TDRD15: variants seen among roughly 807,000 people sequenced by gnomAD.
TDRD15 encodes tudor domain-containing protein 15.
For missense variants in TDRD15, 1,416 were observed against 904.7 expected (o/e 1.57, Z -7.25); for synonymous variants, 503 against 314.5 (o/e 1.60, Z -6.34).
Position 21,142,280 on chromosome 2 carries a change from G to A in TDRD15, c.4813G>A (p.Val1605Ile). 1.4e-6 allele frequency: 1 copy of A among 691,474 alleles called. No homozygotes were observed. Among genetic ancestry groups the A allele is most frequent in the Non-Finnish European group, 2.6e-6 (1 of 377,780 alleles). 42.8% of individuals were successfully genotyped at this position (691,474 alleles called of 1,614,324 possible). The change falls in exon 4 of 4, where the codon GTA becomes ATA. Residue 1605 changes from valine to isoleucine, a missense_variant. Physicochemically the swap from Val to Ile is conservative, Grantham distance 29. Transcript: ENST00000405799. ...AGAAGAAAAGTATGTTGATGATAAA[G>A]TACTTGTTTTTTTAGTAGATTGTGG... ...KVEEKYVDDKVLVFLVDCGIY... is the reference protein window; with the variant it reads ...KVEEKYVDDKILVFLVDCGIY...
At chr2:21,145,241 A>G (rs930119297), downstream of TDRD15, among the ~76,000 whole-genome samples, 5 of 152,066 alleles carry the variant, frequency 3.3e-5, no homozygotes, top group Non-Finnish European at 5.9e-5. Context: ...AAAGTTGCTA[A>G]GTAAGGAACT....
Position 21,142,170 on chromosome 2 carries a change from C to T in TDRD15, c.4703C>T (p.Pro1568Leu), listed in dbSNP as rs1333326553. 1 of 671,852 alleles carries T rather than the reference C, an allele frequency of 1.5e-6. No homozygotes were observed. The highest frequency in any genetic ancestry group is 2.7e-6 in the Non-Finnish European group (1 of 372,354). 41.6% of individuals were successfully genotyped at this position (671,852 alleles called of 1,614,324 possible). Residue 1568 changes from proline (P) to leucine (L), a missense_variant, in exon 4 of 4, where the codon CCT (proline) becomes CTT (leucine). Transcript: ENST00000405799. ...ATTACGAAAGAAGAAAAAAAATCCCCTTTTTTATCAATGGAAAGTATTGAA... is the reference window on the plus strand; with the variant it reads ...ATTACGAAAGAAGAAAAAAAATCCCTTTTTTTATCAATGGAAAGTATTGAA... ...VLITKEEKKS[P>L]FLSMESIEKG...
intron 2 of TDRD15, among the ~76,000 whole-genome samples, chr2:21,128,817 T>A (rs957691311): frequency 4.6e-5 from 7 of 151,786 alleles, no homozygotes; most frequent in African/African-American, 1.5e-4. Context: ...TTTTCTTCAC[T>A]GTCAGAGAAG....
rs1339972802 is a variant in TDRD15 at position 21,142,728 on chromosome 2, A to T, written c.5261A>T (p.Asp1754Val). The T allele has an allele frequency of 1.4e-6, 1 of 712,956 alleles. No homozygotes were observed. The highest frequency in any genetic ancestry group is 2.6e-6 in the Non-Finnish European group (1 of 383,116). The allele number at this position is 712,956 out of a possible 1,614,324, so 44.2% of individuals were successfully genotyped here. A position where few individuals can be genotyped will look rare whatever the true frequency, so the allele number is the denominator to read the frequency against. ...DPSDFSIQLE[D>V]FFDIMKYLFM... ...TCAGACTTCAGTATTCAGTTAGAAGATTTCTTTGACATAATGAAATACCTT... is the reference window on the plus strand; with the variant it reads ...TCAGACTTCAGTATTCAGTTAGAAGTTTTCTTTGACATAATGAAATACCTT... Residue 1754 changes from aspartate to valine, a missense_variant, in exon 4 of 4, where the codon GAT becomes GTT. Physicochemically the swap from Asp to Val is radical, Grantham distance 152 (BLOSUM62 -3). Transcript: ENST00000405799.
downstream of TDRD15, among the ~76,000 whole-genome samples, chr2:21,145,428 GT>G (rs1030869409): frequency 3.9e-4 from 59 of 151,382 alleles, no homozygotes; most frequent in Non-Finnish European, 7.4e-4. Context: ...CTTCTTTTAT[GT>G]TTTTTTTGGC....
chr2:21,144,843 C>T (rs1202486662), downstream of TDRD15, among the ~76,000 whole-genome samples: 1 of 151,842 alleles, frequency 6.6e-6, no homozygotes, highest in Non-Finnish European at 1.5e-5. Flanking sequence ...GACTTATATT[C>T]ATGGAAAAAT....
In TDRD15 at chr2:21,141,933, A is replaced by G. The variant is rs529147912; in HGVS notation, c.4466A>G (p.Lys1489Arg). The G allele has an allele frequency of 1.4e-4, 103 of 710,372 alleles. No individual in the cohort carries two copies. The African/African-American group carries it at 1.6e-3, about 11-fold the overall frequency. The allele number at this position is 710,372 out of a possible 1,614,324, so 44.0% of individuals were successfully genotyped here. ...CAGATGCCTCAGGTTCTCTCTCAAAAGGTGAGGCCAGGTGATAATGAAATG... is the reference window on the plus strand; with the variant it reads ...CAGATGCCTCAGGTTCTCTCTCAAAGGGTGAGGCCAGGTGATAATGAAATG... ...ALQMPQVLSQ[K>R]VRPGDNEMKK... The change falls in exon 4 of 4, where the codon AAG becomes AGG. Residue 1489 changes from lysine (K) to arginine (R), a missense_variant. Coordinates refer to ENST00000405799, the MANE Select transcript of TDRD15 (RefSeq NM_001306137.2).
intron 1 of TDRD15, among the ~76,000 whole-genome samples, chr2:21,126,340 T>C (rs1665595422): frequency 6.6e-6 from 1 of 152,120 alleles, no homozygotes; most frequent in South Asian, 2.1e-4. Context: ...GAATCATCCA[T>C]GTTTTTATGA....
At chr2:21,137,128 A>G (rs1298358713) in intron 3 of TDRD15, among the ~76,000 whole-genome samples, 1 of 151,994 alleles carries the variant, frequency 6.6e-6, no homozygotes, top group African/African-American at 2.4e-5. Context: ...AGCTCCTTTC[A>G]TTACACCACA....
chr2:21,133,627 A>G (rs879941626), intron 2 of TDRD15, among the ~76,000 whole-genome samples: 4 of 152,246 alleles, frequency 2.6e-5, no homozygotes, highest in Non-Finnish European at 4.4e-5. Flanking sequence ...GATCAGTTAA[A>G]CTAGTGTACT....
chr2:21,133,251 G>A (rs899004587), intron 2 of TDRD15, among the ~76,000 whole-genome samples: 1 of 152,114 alleles, frequency 6.6e-6, no homozygotes, highest in African/African-American at 2.4e-5. Context: ...GCAGTCTTTT[G>A]GAACATAGTG....
At chr2:21,126,054 A>G (rs541648949) in intron 1 of TDRD15, among the ~76,000 whole-genome samples, 1 of 152,212 alleles carries the variant, frequency 6.6e-6, no homozygotes, top group Non-Finnish European at 1.5e-5. Context: ...GCTTTAGTGA[A>G]GTATATCTGA....
intron 3 of TDRD15, among the ~76,000 whole-genome samples, chr2:21,135,476 A>G (rs2103441204): frequency 6.6e-6 from 1 of 151,996 alleles, no homozygotes; most frequent in Non-Finnish European, 1.5e-5. Context: ...CTATGTGCCA[A>G]TTTATAGAGG....
At position 21,143,195 on chromosome 2, in the gene TDRD15, G is replaced by T; in HGVS notation, c.5728G>T (p.Gly1910Cys). 1 of 690,672 alleles carries T rather than the reference G, an allele frequency of 1.4e-6. No individual in the cohort carries two copies. Among genetic ancestry groups the T allele is most frequent in the Non-Finnish European group, 2.7e-6 (1 of 376,490 alleles). 42.8% of individuals were successfully genotyped at this position (690,672 alleles called of 1,614,324 possible). ...TTTGGCAGATATATTAGTTGCATCT[G>T]GTCTCGCAACTTATTCTAAAGATTC... The part of the protein sequence containing the change: ...NNLADILVAS[G>C]LATYSKDSPH... The change falls in exon 4 of 4, where the codon GGT becomes TGT. Residue 1910 changes from glycine (G) to cysteine (C), a missense_variant. Transcript: ENST00000405799.
chr2:21,147,166 G>A (rs776845678), downstream of TDRD15, among the ~76,000 whole-genome samples: 4 of 151,944 alleles, frequency 2.6e-5, no homozygotes, highest in Non-Finnish European at 5.9e-5. Flanking sequence ...GAAATCATAA[G>A]TTAAAATAAT....
At position 21,144,032 on chromosome 2, in the gene TDRD15, C is replaced by T. The variant is rs867409474; in HGVS notation, c.*760C>T. On this transcript the variant is annotated 3_prime_UTR_variant, in exon 4 of 4. Coordinates refer to ENST00000405799, the MANE Select transcript of TDRD15 (RefSeq NM_001306137.2). ...CTTGCTATTATTAGTGAGCTTCCTG[C>T]GCTTATTTTGAAGAATCATTTTTCT... is the stretch of plus-strand genomic sequence containing the variant. Among the ~76,000 whole-genome samples the T allele has an allele frequency of 6.6e-5, 10 of 151,556 alleles. No individual in the cohort carries two copies. The highest frequency in any genetic ancestry group is 2.1e-4 in the South Asian group (1 of 4,814).
At chr2:21,145,276 G>C (rs1270485034), downstream of TDRD15, among the ~76,000 whole-genome samples, 1 of 152,006 alleles carries the variant, frequency 6.6e-6, no homozygotes, top group African/African-American at 2.4e-5. Context: ...AGATTTCTCT[G>C]ACTGATTTTG....
rs1665942544 is a variant in TDRD15, at chr2:21,141,938, A to G, written c.4471A>G (p.Arg1491Gly). ...GCCTCAGGTTCTCTCTCAAAAGGTG[A>G]GGCCAGGTGATAATGAAATGAAGAA... ...QMPQVLSQKV[R>G]PGDNEMKKGK... Residue 1491 changes from arginine (R) to glycine (G), a missense_variant, in exon 4 of 4, where the codon AGG becomes GGG. Coordinates refer to ENST00000405799, the MANE Select transcript of TDRD15 (RefSeq NM_001306137.2). 1 of 711,480 alleles carries G rather than the reference A, an allele frequency of 1.4e-6. No homozygotes were observed. 44.1% of individuals were successfully genotyped at this position (711,480 alleles called of 1,614,324 possible). A position where few individuals can be genotyped will look rare whatever the true frequency, so the allele number is the denominator to read the frequency against.
chr2:21,131,196 A>T (rs1489260112), intron 2 of TDRD15, among the ~76,000 whole-genome samples: 1 of 152,326 alleles, frequency 6.6e-6, no homozygotes, highest in East Asian at 1.9e-4. Flanking sequence ...GGTATCCCCA[A>T]ATTTGATGAC....
Sources: allele counts gnomAD v4.1 joint callset (sites outside exome capture counted in the v4.1 genomes callset), GRCh38; gene constraint gnomAD v4.1.1; transcripts MANE v1.5; gene names NCBI Gene and HGNC (gene_info 2026-07-23, HGNC 2026-07-21).